The following SLC4A4 variants were observed in gnomAD, a reference collection of about 807,000 sequenced individuals.
The protein encoded by SLC4A4 is electrogenic sodium bicarbonate cotransporter 1.
SLC4A4 carries 27 observed loss-of-function variants against 111.5 expected under a neutral mutation model. The ratio of observed to expected loss-of-function variants is 0.24; its 90% CI spans 0.18 to 0.33. The LOEUF (loss-of-function observed/expected upper bound fraction) is 0.33. SLC4A4 is among the 10% of genes least tolerant of loss of function. The pLI is 1.00. For synonymous variants in SLC4A4, 443 were observed against 463.4 expected, an observed-to-expected ratio of 0.96 and a Z score of 0.57; for missense variants, 909 against 1,315.5, an observed-to-expected ratio of 0.69 and a Z score of 4.78.
chr4:71,472,651 T>C (rs745776858), intron 13 of SLC4A4, 48 bp from the exon 14 acceptor site: 1 of 1,573,422 alleles, frequency 6.4e-7, no homozygotes, highest in African/African-American at 1.4e-5. Context: ...TATTATTCTT[T>C]GTGTTCCAAG....
chr4:71,370,977 C>T (rs529641901), intron 6 of SLC4A4, among the ~76,000 whole-genome samples: 1 of 152,224 alleles, frequency 6.6e-6, no homozygotes, highest in South Asian at 2.1e-4. Flanking sequence ...TGTAATCTCT[C>T]CCTAAATAAT....
chr4:71,357,227 A>G (rs1373627526), intron 6 of SLC4A4, 40 bp downstream of exon 6: 1 of 1,588,432 alleles, frequency 6.3e-7, no homozygotes, highest in South Asian at 1.1e-5. Flanking sequence ...TCTCTTACTT[A>G]TTTCACTCAC....
intron 6 of SLC4A4, among the ~76,000 whole-genome samples, chr4:71,394,152 G>A (rs1719573819): frequency 6.6e-6 from 1 of 151,970 alleles, no homozygotes; most frequent in African/African-American, 2.4e-5. Context: ...TAGAAACAAA[G>A]ATAAATAGTT....
chr4:71,162,276 A>G (rs577328052), intron 2 of SLC4A4, among the ~76,000 whole-genome samples: 1 of 152,322 alleles, frequency 6.6e-6, no homozygotes. Context: ...TAATAAGATC[A>G]GTTACTGAGA....
At chr4:71,327,617 T>C (rs1727609519) in intron 3 of SLC4A4, among the ~76,000 whole-genome samples, 1 of 152,024 alleles carries the variant, frequency 6.6e-6, no homozygotes, top group Admixed American at 6.6e-5. Context: ...CATTCAAAAA[T>C]ATTAGTTATT....
chr4:71,532,825 G>A (rs890516699), intron 17 of SLC4A4, among the ~76,000 whole-genome samples: 9 of 152,080 alleles, frequency 5.9e-5, no homozygotes, highest in African/African-American at 1.9e-4. Flanking sequence ...TAGAACCCAA[G>A]CCTCCAGAAG....
At chr4:71,162,491 C>T (rs1293750570) in intron 2 of SLC4A4, among the ~76,000 whole-genome samples, 1 of 152,140 alleles carries the variant, frequency 6.6e-6, no homozygotes, top group African/African-American at 2.4e-5. Context: ...CAGTTCAAGC[C>T]TAAGCAGCAG....
intron 6 of SLC4A4, among the ~76,000 whole-genome samples, chr4:71,377,689 G>A (rs1355675758): frequency 6.6e-6 from 1 of 152,162 alleles, no homozygotes; most frequent in Non-Finnish European, 1.5e-5. Flanking sequence ...GCTAATAGAA[G>A]CCTTCTCTCA....
rs997409978 is a variant in SLC4A4 at position 71,424,023 on chromosome 4, G to A, written c.808-16593G>A. Among the ~76,000 whole-genome samples the A allele has an allele frequency of 9.2e-5, 14 of 152,066 alleles. 1 individual carries two copies. The South Asian group carries it at 1.9e-3, about 20-fold the overall frequency. On this transcript the variant is annotated intron_variant, in intron 7 of 25. Transcript: ENST00000264485. ...AGTTAAACTAAAGAGCTTCTGCACA[G>A]CAAAAGAAACTACCATCAGAGTGAA...
chr4:71,409,936 G>A (rs75727065), intron 7 of SLC4A4, among the ~76,000 whole-genome samples: 1 of 152,346 alleles, frequency 6.6e-6, no homozygotes, highest in African/African-American at 2.4e-5. Flanking sequence ...AGCTCAGGCT[G>A]TGGCTTCAGA....
chr4:71,471,097 T>C (rs1727825894), intron 13 of SLC4A4, among the ~76,000 whole-genome samples: 1 of 152,028 alleles, frequency 6.6e-6, no homozygotes, highest in African/African-American at 2.4e-5. Context: ...TCTAATATTC[T>C]ATAATTTTGA....
At chr4:71,454,999 A>G (rs999775850) in intron 12 of SLC4A4, among the ~76,000 whole-genome samples, 1 of 152,314 alleles carries the variant, frequency 6.6e-6, no homozygotes, top group Admixed American at 6.5e-5. Context: ...ACTTCTCCAC[A>G]TAGCTAACTT....
rs375680237 is a variant in SLC4A4, at chr4:71,563,860, C to A, written c.3167C>A (p.Pro1056His). 5 of 1,610,920 alleles carry A rather than the reference C, an allele frequency of 3.1e-6. No homozygotes were observed. The highest frequency in any genetic ancestry group is 3.4e-6 in the Non-Finnish European group (4 of 1,177,800). Residue 1056 changes from proline to histidine, a missense_variant, in exon 24 of 26, where the codon CCT becomes CAT. Coordinates refer to ENST00000264485, the MANE Select transcript of SLC4A4 (RefSeq NM_001098484.3). ...CCAATGGACATCATGGAACAGCAACCTTTCCTAAGCGATAGCAAACCTTCT... is the reference window on the plus strand; with the variant it reads ...CCAATGGACATCATGGAACAGCAACATTTCCTAAGCGATAGCAAACCTTCT... The part of the protein sequence containing the change: ...KIPMDIMEQQ[P>H]FLSDSKPSDR...
At chr4:71,074,522 G>T in intron 1 of SLC4A4, among the ~76,000 whole-genome samples, 1 of 151,834 alleles carries the variant, frequency 6.6e-6, no homozygotes, top group Non-Finnish European at 1.5e-5. Context: ...TTTCAAAAAA[G>T]CAGTGAGAAA....
chr4:71,393,372 C>T (rs78987806), intron 6 of SLC4A4, among the ~76,000 whole-genome samples: 2,451 of 152,144 alleles, frequency 0.016, 115 homozygotes, highest in East Asian at 0.14. Flanking sequence ...ACACCAACAG[C>T]GACTCAACGG....
chr4:71,118,872 G>T (rs1743343067), intron 2 of SLC4A4, among the ~76,000 whole-genome samples: 1 of 152,142 alleles, frequency 6.6e-6, no homozygotes, highest in Non-Finnish European at 1.5e-5. Context: ...GATATGGTTG[G>T]GAGAGCAGAC....
chr4:71,547,345 A>T (rs1472851310), intron 19 of SLC4A4, among the ~76,000 whole-genome samples: 1 of 152,042 alleles, frequency 6.6e-6, no homozygotes, highest in Non-Finnish European at 1.5e-5. Context: ...CAAAGAGTCC[A>T]GTAATTGATG....
intron 3 of SLC4A4, among the ~76,000 whole-genome samples, chr4:71,256,795 G>A (rs1298595401): frequency 6.6e-6 from 1 of 152,116 alleles, no homozygotes; most frequent in Middle Eastern, 3.2e-3. Flanking sequence ...CATTTATCTT[G>A]ATTTACTCTG....
At chr4:71,106,999 A>G (rs1266679382) in intron 2 of SLC4A4, among the ~76,000 whole-genome samples, 1 of 151,842 alleles carries the variant, frequency 6.6e-6, no homozygotes, top group Non-Finnish European at 1.5e-5. Flanking sequence ...ATTAAAAAAA[A>G]AATAAAGTCT....
Sources: allele counts gnomAD v4.1 joint callset (sites outside exome capture counted in the v4.1 genomes callset), GRCh38; gene constraint gnomAD v4.1.1; transcripts MANE v1.5; gene names NCBI Gene and HGNC (gene_info 2026-07-23, HGNC 2026-07-21).